The following SNRPN variants were observed in gnomAD, a reference collection of about 807,000 sequenced individuals.
SNRPN encodes small nuclear ribonucleoprotein-associated protein N.
A neutral mutation model predicts 25.2 loss-of-function variants in SNRPN; 7 were observed. The observed-to-expected ratio is 0.28, with a 90% CI of 0.16 to 0.52. The LOEUF (loss-of-function observed/expected upper bound fraction) is 0.52, where lower values mean the gene tolerates loss of function less well. Among genes scored for constraint, SNRPN ranks in the 20% least tolerant of loss-of-function variants. The pLI is 0.96. For missense variants in SNRPN, 196 were observed against 322.5 expected (o/e 0.61, Z 3.00); for synonymous variants, 124 against 110.6 (o/e 1.12, Z -0.76).
chr15:24,976,718 A>C (rs1001422157), intron 6 of SNRPN, among the ~76,000 whole-genome samples, 159 bp from the exon 7 acceptor site: 10 of 152,248 alleles, frequency 6.6e-5, no homozygotes, highest in African/African-American at 2.4e-4. Flanking sequence ...TATACACAAG[A>C]TACCTCCATG....
At chr15:24,956,619 G>A (rs529527305) in intron 1 of SNRPN, among the ~76,000 whole-genome samples, 47 of 152,316 alleles carry the variant, frequency 3.1e-4, no homozygotes, top group Non-Finnish European at 1.2e-4. Context: ...GGCTTACGCA[G>A]CTTTTGCCTG....
chr15:24,915,732 A>G (rs1390855848), intron 2 of SNRPN, among the ~76,000 whole-genome samples: 1 of 152,196 alleles, frequency 6.6e-6, no homozygotes, highest in Non-Finnish European at 1.5e-5. Context: ...CCAAAGTTAT[A>G]AATTCCTCGT....
At chr15:24,826,426 C>A (rs570451562) in intron 1 of SNRPN, among the ~76,000 whole-genome samples, 1 of 152,144 alleles carries the variant, frequency 6.6e-6, no homozygotes, top group Non-Finnish European at 1.5e-5. Flanking sequence ...TATCACTGTG[C>A]TCATTGCCTG....
intron 1 of SNRPN, among the ~76,000 whole-genome samples, chr15:24,873,624 T>A (rs866482233): frequency 6.6e-6 from 1 of 152,002 alleles, no homozygotes; most frequent in African/African-American, 2.4e-5. Context: ...ATTTTTTGTA[T>A]TTTTAGTAGA....
rs560122232 is a variant in SNRPN, at chr15:24,873,204, G to A, written c.-578-13312G>A. On this transcript the variant is annotated intron_variant, in intron 1 of 11. Transcript: ENST00000400097. ...GCAACAGGGATTCCCATAGCACAAC[G>A]ACATCACTCTGCTGGACAGCAAGAG... 5.0e-5 allele frequency among the ~76,000 whole-genome samples: 6 copies of A among 121,056 alleles called. 1 individual carries two copies. The highest frequency in any genetic ancestry group is 9.2e-5 in the Admixed American group (1 of 10,902). 79.4% of individuals were successfully genotyped at this position (121,056 alleles called of 152,430 possible).
chr15:24,862,635 A>G (rs146988650), intron 1 of SNRPN, among the ~76,000 whole-genome samples: 2 of 151,230 alleles, frequency 1.3e-5, no homozygotes, highest in African/African-American at 2.5e-5. Flanking sequence ...CCAAATTCTC[A>G]GGTGTTTAAG....
upstream of SNRPN, among the ~76,000 whole-genome samples, chr15:24,854,825 A>G (rs961200444): frequency 6.6e-6 from 1 of 151,966 alleles, no homozygotes; most frequent in Non-Finnish European, 1.5e-5. Flanking sequence ...ACATGGTGAA[A>G]CCCCATCTCT....
intron 2 of SNRPN, among the ~76,000 whole-genome samples, chr15:24,839,416 C>T (rs74005368): frequency 0.021 from 3,207 of 152,104 alleles, 120 homozygotes; most frequent in African/African-American, 0.07. Context: ...CATCCACAAG[C>T]GTGCATATTT....
intron 1 of SNRPN, among the ~76,000 whole-genome samples, chr15:24,879,661 AT>A (rs1488031140): frequency 6.6e-6 from 1 of 152,054 alleles, no homozygotes; most frequent in Non-Finnish European, 1.5e-5. Context: ...AACATCACAT[AT>A]TTTTTTGTTT....
chr15:24,849,609 G>C (rs539815667), intron 2 of SNRPN: 1 of 152,202 alleles, frequency 6.6e-6, no homozygotes, highest in African/African-American at 2.4e-5. Context: ...AAAGAGACAC[G>C]CTGTGAACAA....
intron 1 of SNRPN, among the ~76,000 whole-genome samples, chr15:24,858,143 C>T (rs943480844): frequency 1.3e-5 from 2 of 152,164 alleles, no homozygotes; most frequent in Non-Finnish European, 1.5e-5. Flanking sequence ...GTCCTGCAGT[C>T]TCCAGCTGGA....
At chr15:24,864,423 A>C (rs1481717487) in intron 1 of SNRPN, among the ~76,000 whole-genome samples, 3 of 137,710 alleles carry the variant, frequency 2.2e-5, no homozygotes, top group African/African-American at 5.6e-5. Context: ...GGCTCGCTGC[A>C]ACCTCTGCCT....
intron 2 of SNRPN, among the ~76,000 whole-genome samples, chr15:24,889,921 A>G (rs527425814): frequency 2.3e-4 from 35 of 151,420 alleles, no homozygotes; most frequent in Non-Finnish European, 4.6e-4. Context: ...GTGGTGGTAC[A>G]CGCTTGTAGT....
intron 1 of SNRPN, among the ~76,000 whole-genome samples, chr15:24,885,745 T>TGA (rs1374708240): frequency 6.6e-6 from 1 of 151,878 alleles, no homozygotes; most frequent in Non-Finnish European, 1.5e-5. Flanking sequence ...TGTGTGTGTG[T>TGA]GTGTGTGTAT....
At chr15:24,885,716 C>CCGTGTGTGTGTG (rs373086731) in intron 1 of SNRPN, among the ~76,000 whole-genome samples, 7 of 141,636 alleles carry the variant, frequency 4.9e-5, no homozygotes, top group African/African-American at 1.6e-4. Flanking sequence ...GAATCTGGGG[C>CCGTGTGTGTGTG]TGTGTGTGTG....
At chr15:24,848,730 AGATTCTC>A (rs2052501463) in intron 2 of SNRPN, 1 of 152,000 alleles carries the variant, frequency 6.6e-6, no homozygotes, top group Non-Finnish European at 1.5e-5. Context: ...ATTGGCCTTA[AGATTCTC>A]TATTTTTAAC....
At chr15:24,831,405 T>G (rs749742304) in intron 2 of SNRPN, among the ~76,000 whole-genome samples, 26 of 152,098 alleles carry the variant, frequency 1.7e-4, no homozygotes, top group Admixed American at 7.9e-4. Flanking sequence ...ACATGATGTT[T>G]GAAGAATAAT....
In SNRPN at chr15:24,912,734, G is replaced by A. The variant is rs114613234; in HGVS notation, c.-504-7277G>A. Among the ~76,000 whole-genome samples, 714 of 152,202 alleles carry A rather than the reference G, an allele frequency of 4.7e-3. 6 individuals are homozygous for A. The highest frequency in any genetic ancestry group is 0.016 in the African/African-American group (679 of 41,548). ...TCTATAAAAGTGTATTAATTTAAAG[G>A]GAGTACTTTCTTGCCCTTCTGCCCC... On this transcript the variant is annotated intron_variant, in intron 2 of 11. Transcript: ENST00000400097.
chr15:24,909,875 C>G (rs2059101288), intron 2 of SNRPN: 1 of 748,764 alleles, frequency 1.3e-6, no homozygotes, highest in Non-Finnish European at 2.3e-6. Flanking sequence ...CCAGCAGGCA[C>G]AGCGGCGCTG....
Sources: allele counts gnomAD v4.1 joint callset (sites outside exome capture counted in the v4.1 genomes callset), GRCh38; gene constraint gnomAD v4.1.1; transcripts MANE v1.5; gene names NCBI Gene and HGNC (gene_info 2026-07-23, HGNC 2026-07-21).